The following RAB2A variants were observed in gnomAD, a reference collection of about 807,000 sequenced individuals.
The protein encoded by RAB2A is ras-related protein Rab-2A.
In RAB2A, 7 loss-of-function variants were observed where a neutral mutation model predicts 32.5. The observed-to-expected ratio is 0.22, with a 90% confidence interval of 0.12 to 0.40. RAB2A has a LOEUF of 0.40. Ranked by LOEUF, RAB2A falls within the 10% of genes least tolerant of loss-of-function variation. The pLI is 1.00. For synonymous variants in RAB2A, 79 were observed against 85.2 expected, an observed-to-expected ratio of 0.93 and a Z score of 0.40; for missense variants, 108 against 260.7, an observed-to-expected ratio of 0.41 and a Z score of 4.03.
intron 3 of RAB2A, among the ~76,000 whole-genome samples, chr8:60,578,760 G>T (rs1451326026): frequency 6.6e-6 from 1 of 152,142 alleles, no homozygotes; most frequent in African/African-American, 2.4e-5. Flanking sequence ...TACAAATATT[G>T]CTATTCACCA....
intron 6 of RAB2A, 144 bp from the exon 7 acceptor site, chr8:60,618,433 ATGT>A: frequency 3.6e-6 from 1 of 280,628 alleles, no homozygotes; most frequent in East Asian, 8.9e-5. Flanking sequence ...CTTTATTAAT[ATGT>A]TATTAATATC....
intron 1 of RAB2A, among the ~76,000 whole-genome samples, chr8:60,520,597 T>G (rs989046144): frequency 6.6e-6 from 1 of 152,172 alleles, no homozygotes; most frequent in Admixed American, 6.5e-5. Flanking sequence ...TCAAAAAAAG[T>G]TATGTCAAAA....
chr8:60,536,484 T>C (rs1807558961), intron 1 of RAB2A, among the ~76,000 whole-genome samples: 1 of 152,236 alleles, frequency 6.6e-6, no homozygotes, highest in Non-Finnish European at 1.5e-5. Flanking sequence ...CAAGCAACTT[T>C]ATTGAAATAT....
intron 1 of RAB2A, among the ~76,000 whole-genome samples, chr8:60,543,136 A>G (rs909785860): frequency 2.0e-5 from 3 of 152,232 alleles, no homozygotes; most frequent in Non-Finnish European, 4.4e-5. Flanking sequence ...TCTTAAGAGG[A>G]ATGAAAGATG....
At chr8:60,617,793 T>G (rs1396309141) in intron 6 of RAB2A, among the ~76,000 whole-genome samples, 2 of 152,160 alleles carry the variant, frequency 1.3e-5, no homozygotes, top group African/African-American at 4.8e-5. Flanking sequence ...ATTCACAAAG[T>G]TACACAACCA....
At chr8:60,533,687 T>A (rs1024865718) in intron 1 of RAB2A, among the ~76,000 whole-genome samples, 2 of 152,146 alleles carry the variant, frequency 1.3e-5, no homozygotes, top group African/African-American at 4.8e-5. Flanking sequence ...GATACTATTG[T>A]GGGCCAGGCA....
intron 3 of RAB2A, among the ~76,000 whole-genome samples, chr8:60,581,364 G>A (rs1257005870): frequency 6.6e-6 from 1 of 152,220 alleles, no homozygotes; most frequent in Non-Finnish European, 1.5e-5. Flanking sequence ...AGGTAGTGTA[G>A]TGTATACAGT....
intron 1 of RAB2A, among the ~76,000 whole-genome samples, chr8:60,522,603 T>G (rs570481795): frequency 6.4e-4 from 97 of 152,300 alleles, no homozygotes; most frequent in Non-Finnish European, 1.1e-3. Flanking sequence ...AGTAGAACCA[T>G]GCATGGGTTA....
At position 60,616,635 on chromosome 8, in the gene RAB2A, A is replaced by G. The variant is rs1428215683; in HGVS notation, c.475-1945A>G. 2.0e-5 allele frequency among the ~76,000 whole-genome samples: 3 copies of G among 152,270 alleles called. No homozygotes were observed. The East Asian group carries it at 5.8e-4, about 29-fold the overall frequency. On this transcript the variant is annotated intron_variant, in intron 6 of 7. Transcript: ENST00000262646. ...GTTTAGCTCTAGCACATACATGAAA[A>G]GCGCACTCGCGTCCTAAGTGCCTTG...
chr8:60,617,353 T>C (rs890528129), intron 6 of RAB2A, among the ~76,000 whole-genome samples: 1 of 152,190 alleles, frequency 6.6e-6, no homozygotes, highest in African/African-American at 2.4e-5. Context: ...TTGATTTTGC[T>C]TTCTTAAACT....
chr8:60,526,450 G>T (rs1374364645), intron 1 of RAB2A, among the ~76,000 whole-genome samples: 1 of 152,078 alleles, frequency 6.6e-6, no homozygotes, highest in Non-Finnish European at 1.5e-5. Flanking sequence ...TTTTAGGAAA[G>T]GTTTTCCACT....
intron 1 of RAB2A, among the ~76,000 whole-genome samples, chr8:60,557,535 CA>C (rs1357035631): frequency 6.6e-6 from 1 of 151,810 alleles, no homozygotes; most frequent in African/African-American, 2.4e-5. Flanking sequence ...AACAAACAAA[CA>C]AAAAAAGATT....
intron 1 of RAB2A, among the ~76,000 whole-genome samples, chr8:60,533,054 A>C (rs994017842): frequency 6.6e-6 from 1 of 152,262 alleles, no homozygotes; most frequent in East Asian, 1.9e-4. Context: ...GTATTACATA[A>C]AAATGAAGTT....
At chr8:60,596,300 G>C (rs1804022237) in intron 6 of RAB2A, among the ~76,000 whole-genome samples, 1 of 152,142 alleles carries the variant, frequency 6.6e-6, no homozygotes. Context: ...TGACAAATGG[G>C]ATCTAATTAA....
At chr8:60,593,729 A>G (rs1803976576) in intron 6 of RAB2A, among the ~76,000 whole-genome samples, 1 of 152,188 alleles carries the variant, frequency 6.6e-6, no homozygotes, top group Admixed American at 6.5e-5. Flanking sequence ...CTTAAATTGA[A>G]TGAAAAAAAG....
intron 1 of RAB2A, among the ~76,000 whole-genome samples, chr8:60,524,235 C>T (rs1264796330): frequency 6.6e-6 from 1 of 152,136 alleles, no homozygotes; most frequent in Admixed American, 6.5e-5. Flanking sequence ...TTTATCTCCC[C>T]AACTGCTTCC....
rs1393237746 is a variant in RAB2A, at chr8:60,526,051, ATATAT to A, written c.46+8799_46+8803del. Among the ~76,000 whole-genome samples the A allele has an allele frequency of 8.6e-4, 104 of 121,342 alleles. 2 individuals carry two copies. The highest frequency in any genetic ancestry group is 2.8e-3 in the African/African-American group (82 of 29,482). The allele number at this position is 121,342 out of a possible 152,430, so 79.6% of individuals were successfully genotyped here. ...TATATATATATATATATATATATATATATATAAGTTTTCTGTTGCTAGCATAACAA... is the reference window on the plus strand; with the variant it reads ...TATATATATATATATATATATATATAAAGTTTTCTGTTGCTAGCATAACAA... On this transcript the variant is annotated intron_variant, in intron 1 of 7. Coordinates refer to ENST00000262646, the MANE Select transcript of RAB2A (RefSeq NM_002865.3).
intron 6 of RAB2A, among the ~76,000 whole-genome samples, chr8:60,600,978 G>A (rs1804125409): frequency 6.6e-6 from 1 of 152,192 alleles, no homozygotes; most frequent in African/African-American, 2.4e-5. Flanking sequence ...ACACCTGCAT[G>A]TGAATCTGTA....
chr8:60,566,929 C>T (rs965025791), intron 2 of RAB2A, among the ~76,000 whole-genome samples: 5 of 152,154 alleles, frequency 3.3e-5, no homozygotes, highest in Non-Finnish European at 1.5e-5. Context: ...CTGCAAAAGA[C>T]ACGATTTCAT....
Sources: allele counts gnomAD v4.1 joint callset (sites outside exome capture counted in the v4.1 genomes callset), GRCh38; gene constraint gnomAD v4.1.1; transcripts MANE v1.5; gene names NCBI Gene and HGNC (gene_info 2026-07-23, HGNC 2026-07-21).